PROSER3: variants seen among roughly 807,000 people sequenced by gnomAD.
The protein encoded by PROSER3 is proline and serine rich 3.
PROSER3 carries 33 observed loss-of-function variants against 50.2 expected under a neutral mutation model. That is an observed-to-expected ratio of 0.66 (90% confidence interval 0.50 to 0.88). The LOEUF is 0.88. PROSER3 is among the 40% of genes least tolerant of loss of function. PROSER3 has a pLI of 0.00. For missense variants in PROSER3, 623 were observed against 612.7 expected (o/e 1.02, Z -0.18); for synonymous variants, 266 against 259.3 (o/e 1.03, Z -0.25).
At chr19:35,766,282 G>A (rs527923352) in intron 7 of PROSER3, among the ~76,000 whole-genome samples, 66 of 152,096 alleles carry the variant, frequency 4.3e-4, no homozygotes, top group Non-Finnish European at 7.6e-4. Flanking sequence ...TGTGACTCAC[G>A]CCTATAATCC....
chr19:35,762,703 G>A (rs1314006003), intron 5 of PROSER3: 2 of 173,222 alleles, frequency 1.2e-5, no homozygotes, highest in East Asian at 1.4e-4. Context: ...TCCAGCCTGG[G>A]CAGTAGAGCA....
intron 7 of PROSER3, among the ~76,000 whole-genome samples, 181 bp downstream of exon 7, chr19:35,765,357 G>GT (rs1396437377): frequency 2.6e-5 from 4 of 152,214 alleles, no homozygotes; most frequent in Non-Finnish European, 5.9e-5. Context: ...GAGCTCAGGA[G>GT]TTTGAGACCA....
chr19:35,759,916 C>T, exon 3 of PROSER3: 1 of 1,605,282 alleles, frequency 6.2e-7, no homozygotes, highest in Non-Finnish European at 8.5e-7. Flanking sequence ...CCCTCCCTGC[C>T]CAGCACCACT....
At chr19:35,768,029 C>T (rs1424012576) in exon 9 of PROSER3, 1 of 1,582,516 alleles carries the variant, frequency 6.3e-7, no homozygotes, top group Non-Finnish European at 8.6e-7. Flanking sequence ...GGAGGCCCTG[C>T]TTGCCCAGGC....
chr19:35,769,777 C>CTGTA (rs1223406385), downstream of PROSER3: 1 of 152,398 alleles, frequency 6.6e-6, no homozygotes, highest in African/African-American at 2.4e-5. Context: ...GTTGCCCAGG[C>CTGTA]TGTAGTACAA....
At chr19:35,763,589 C>A (rs4806202) in intron 5 of PROSER3, among the ~76,000 whole-genome samples, 21,886 of 146,690 alleles carry the variant, frequency 0.15, 1,733 homozygotes, top group South Asian at 0.28. Flanking sequence ...CTGCAAACCC[C>A]GCCTCCCAGG....
rs769213206 is a variant in PROSER3, at chr19:35,764,823, G to A, written c.544-31G>A. On this transcript the variant is annotated intron_variant, in intron 5 of 10. Coordinates refer to ENST00000396908, the Ensembl canonical transcript of PROSER3. The stretch of plus-strand genomic sequence containing the variant: ...CCCCCTTCCCAGCAGCCTTTGGGTT[G>A]GGGCTGGCGTCTGACCCTGTCACCC... The A allele has an allele frequency of 8.8e-6, 14 of 1,592,332 alleles. No individual in the cohort carries two copies. The Middle Eastern group carries it at 1.2e-3, about 131-fold the overall frequency.
At chr19:35,765,638 T>C (rs897573121) in intron 7 of PROSER3, among the ~76,000 whole-genome samples, 6 of 148,780 alleles carry the variant, frequency 4.0e-5, no homozygotes, top group Non-Finnish European at 8.9e-5. Flanking sequence ...AGCAATCCTA[T>C]AACCTCAGCC....
intron 7 of PROSER3, 56 bp from the exon 8 acceptor site, chr19:35,766,712 G>A: frequency 1.5e-6 from 2 of 1,310,710 alleles, no homozygotes; most frequent in South Asian, 1.4e-5. Flanking sequence ...GCTGTCCTGG[G>A]GTTGCTGATC....
chr19:35,762,072 CTGCA>C lies in PROSER3; in HGVS notation c.366_369del (p.Gly124GlnfsTer42). The C allele has an allele frequency of 6.2e-7, 1 of 1,611,794 alleles. No homozygotes were observed. Among genetic ancestry groups the C allele is most frequent in the Non-Finnish European group, 8.5e-7 (1 of 1,178,202 alleles). The stretch of plus-strand genomic sequence containing the variant: ...CCCACCAGTCGAGAGGAGCGCCAGC[CTGCA>C]GGCCCAACCCCAGCTGACTTTTGGT... On this transcript the variant is annotated frameshift_variant, in exon 4 of 11. Transcript: ENST00000396908. LOFTEE classifies it high-confidence loss of function.
chr19:35,766,772 C>T (rs1971153931), exon 8 of PROSER3: 1 of 1,547,860 alleles, frequency 6.5e-7, no homozygotes, highest in Non-Finnish European at 8.7e-7. Flanking sequence ...CTACAGCATC[C>T]CCGGCACCAG....
intron 5 of PROSER3, among the ~76,000 whole-genome samples, chr19:35,764,040 G>C (rs548392682): frequency 5.3e-5 from 8 of 151,228 alleles, no homozygotes; most frequent in Non-Finnish European, 1.0e-4. Context: ...TTCCTGCCTC[G>C]GCCTCCTAAA....
chr19:35,770,019 C>T (rs138951855), downstream of PROSER3, among the ~76,000 whole-genome samples: 5 of 152,328 alleles, frequency 3.3e-5, no homozygotes, highest in African/African-American at 1.2e-4. Context: ...ATTCTTCTGC[C>T]TCAGCCTCCC....
At position 35,767,938 on chromosome 19, in the gene PROSER3, C is replaced by T. The variant is rs746483668; in HGVS notation, c.1092C>T (p.Val364=). 7 of 1,611,720 alleles carry T rather than the reference C, an allele frequency of 4.3e-6. No homozygotes were observed. In the Admixed American group the frequency reaches 8.3e-5, roughly 19 times the overall value. ...CTCCAGCTGAGCAGGCAACCACAGTCAAGGCCTCGCCGCCAGCCTTCCAGG... is the reference window on the plus strand; with the variant it reads ...CTCCAGCTGAGCAGGCAACCACAGTTAAGGCCTCGCCGCCAGCCTTCCAGG... Residue 364 remains valine (V), a synonymous_variant, in exon 9 of 11, where the codon GTC becomes GTT. Coordinates refer to ENST00000396908, the Ensembl canonical transcript of PROSER3.
intron 3 of PROSER3, among the ~76,000 whole-genome samples, chr19:35,760,762 C>T (rs1970931114): frequency 6.6e-6 from 1 of 152,206 alleles, no homozygotes; most frequent in South Asian, 2.1e-4. Context: ...TCTGGGATTA[C>T]AGGTGTGAGC....
intron 1 of PROSER3, chr19:35,759,168 C>T: frequency 1.9e-6 from 1 of 539,334 alleles, no homozygotes; most frequent in East Asian, 3.1e-5. Flanking sequence ...TGAGTTGCTC[C>T]CTGTTAAGAC....
chr19:35,761,952 T>C, intron 3 of PROSER3, 67 bp from the exon 4 acceptor site: 1 of 1,477,008 alleles, frequency 6.8e-7, no homozygotes, highest in Non-Finnish European at 9.1e-7. Context: ...CGTTGGCTGC[T>C]ATAATTATTC....
intron 3 of PROSER3, 57 bp from the exon 4 acceptor site, chr19:35,761,959 ATTC>A (rs1411474849): frequency 2.0e-6 from 3 of 1,495,452 alleles, no homozygotes; most frequent in African/African-American, 1.4e-5. Context: ...TGCTATAATT[ATTC>A]TTATTATTAT....
rs1174553522 is a variant in PROSER3, at chr19:35,762,002, T to C, written c.312-17T>C. 1.3e-6 allele frequency: 2 copies of C among 1,577,212 alleles called. No homozygotes were observed. Among genetic ancestry groups the C allele is most frequent in the Non-Finnish European group, 1.7e-6 (2 of 1,154,990 alleles). On this transcript the variant is annotated splice_polypyrimidine_tract_variant and intron_variant, in intron 3 of 10. Transcript: ENST00000396908. ...CTCTCCTCACTCCACTCACCTCCTATCCCCTGATGTTCACAGGTATATAAA... is the reference window on the plus strand; with the variant it reads ...CTCTCCTCACTCCACTCACCTCCTACCCCCTGATGTTCACAGGTATATAAA...
Sources: gnomAD v4.1 joint callset for allele counts (sites outside exome capture counted in the v4.1 genomes callset) on GRCh38, gnomAD v4.1.1 for gene constraint, MANE v1.5 for transcripts, NCBI Gene and HGNC (gene_info 2026-07-23, HGNC 2026-07-21) for gene names.